Variants in TRMT11 observed in about 807,000 individuals in gnomAD.
The protein encoded by TRMT11 is tRNA (guanine(10)-N(2))-methyltransferase TRMT11.
TRMT11 carries 53 observed loss-of-function variants against 62.8 expected under a neutral mutation model. The observed-to-expected ratio is 0.84, with a 90% CI of 0.68 to 1.06. TRMT11 has a LOEUF of 1.06. Among genes scored for constraint, TRMT11 ranks in the 50% least tolerant of loss-of-function variants. TRMT11 has a pLI of 0.00. For synonymous variants in TRMT11, 188 were observed against 190.3 expected, an observed-to-expected ratio of 0.99 and a Z score of 0.10; for missense variants, 556 against 553.4, an observed-to-expected ratio of 1.00 and a Z score of -0.05.
chr6:126,204,651 A>G (rs1778772916), downstream of TRMT11, among the ~76,000 whole-genome samples: 1 of 152,236 alleles, frequency 6.6e-6, no homozygotes, highest in Non-Finnish European at 1.5e-5. Context: ...ACAGACTGGC[A>G]AGAACCCAAA....
At chr6:126,149,838 G>A (rs1778017407) in intron 21 of TRMT11, among the ~76,000 whole-genome samples, 1 of 152,188 alleles carries the variant, frequency 6.6e-6, no homozygotes, top group African/African-American at 2.4e-5. Flanking sequence ...TGAGCAGCCA[G>A]CAGTGATTCA....
At chr6:126,048,165 A>T (rs2128103708) in intron 16 of TRMT11, among the ~76,000 whole-genome samples, 1 of 152,312 alleles carries the variant, frequency 6.6e-6, no homozygotes, top group Non-Finnish European at 1.5e-5. Context: ...CATTTAGGAG[A>T]TTCCTCAAAA....
intron 17 of TRMT11, among the ~76,000 whole-genome samples, chr6:126,072,611 G>A (rs1032026972): frequency 3.3e-5 from 5 of 152,146 alleles, no homozygotes; most frequent in African/African-American, 1.2e-4. Context: ...TCTTAGTTCA[G>A]TTCAGGCTGC....
chr6:126,068,010 T>A (rs2128135678), intron 17 of TRMT11, among the ~76,000 whole-genome samples: 1 of 152,288 alleles, frequency 6.6e-6, no homozygotes, highest in Non-Finnish European at 1.5e-5. Context: ...TCCACAGAAT[T>A]GTGTAATCAT....
At chr6:126,073,918 A>G in intron 17 of TRMT11, among the ~76,000 whole-genome samples, 1 of 152,140 alleles carries the variant, frequency 6.6e-6, no homozygotes, top group South Asian at 2.1e-4. Flanking sequence ...TTCACATGGC[A>G]GCAGCAAGGA....
intron 8 of TRMT11, among the ~76,000 whole-genome samples, chr6:126,009,754 A>G (rs1445546003): frequency 3.3e-5 from 5 of 152,086 alleles, no homozygotes; most frequent in Non-Finnish European, 7.4e-5. Flanking sequence ...ATCTGTTTTA[A>G]AAAGTACTAA....
chr6:126,195,812 C>T (rs908290447), intron 1 of TRMT11, among the ~76,000 whole-genome samples: 43 of 152,154 alleles, frequency 2.8e-4, no homozygotes, highest in South Asian at 2.1e-4. Flanking sequence ...AAGTCAGCTT[C>T]GTGGCTCAGG....
At chr6:126,131,461 T>C (rs577679176) in intron 21 of TRMT11, among the ~76,000 whole-genome samples, 124 of 152,072 alleles carry the variant, frequency 8.2e-4, no homozygotes, top group African/African-American at 1.1e-3. Flanking sequence ...TAGAACAGTA[T>C]GTCTAAGTAT....
In TRMT11 at chr6:125,997,143, T is replaced by C. The variant is rs543564615; in HGVS notation, c.213-910T>C. Among the ~76,000 whole-genome samples the C allele has an allele frequency of 2.6e-5, 4 of 152,350 alleles. No homozygotes were observed. In the South Asian group the frequency reaches 6.2e-4, roughly 24 times the overall value. On this transcript the variant is annotated intron_variant, in intron 3 of 12. Transcript: ENST00000334379. ...TATAATATAATTTTTAATTGCTTTT[T>C]ATTATCTATATATTTTGTGTAGCTG...
At chr6:125,990,216 T>A (rs1174826849) in intron 1 of TRMT11, among the ~76,000 whole-genome samples, 1 of 152,144 alleles carries the variant, frequency 6.6e-6, no homozygotes, top group East Asian at 1.9e-4. Context: ...ATGCCAGATG[T>A]TGTATTTGAA....
chr6:126,189,703 G>A (rs1778572987), intron 1 of TRMT11, among the ~76,000 whole-genome samples: 2 of 151,902 alleles, frequency 1.3e-5, no homozygotes, highest in African/African-American at 2.4e-5. Flanking sequence ...TTGGGGCTGC[G>A]GTACTCAGGT....
intron 3 of TRMT11, among the ~76,000 whole-genome samples, chr6:126,201,629 G>A (rs1778735390): frequency 6.6e-6 from 1 of 152,098 alleles, no homozygotes; most frequent in Non-Finnish European, 1.5e-5. Context: ...CACTTCTTCA[G>A]GCATTTGACA....
At chr6:126,249,551 T>C in the TRMT11 span, among the ~76,000 whole-genome samples, 1 of 152,150 alleles carries the variant, frequency 6.6e-6, no homozygotes, top group Non-Finnish European at 1.5e-5. Context: ...GTTATAAAAT[T>C]GTGCATAATA....
intron 1 of TRMT11, among the ~76,000 whole-genome samples, chr6:126,182,251 G>A (rs1433984658): frequency 6.6e-6 from 1 of 152,108 alleles, no homozygotes; most frequent in Non-Finnish European, 1.5e-5. Flanking sequence ...GGAAGGAAGA[G>A]GTGCTCTTTA....
At chr6:125,994,290 A>C (rs1268021472) in intron 2 of TRMT11, among the ~76,000 whole-genome samples, 1 of 151,644 alleles carries the variant, frequency 6.6e-6, no homozygotes, top group East Asian at 1.9e-4. Flanking sequence ...GTGACTTATA[A>C]TTTGGGGATG....
At chr6:126,112,724 T>C (rs1777545900) in intron 17 of TRMT11, among the ~76,000 whole-genome samples, 1 of 152,138 alleles carries the variant, frequency 6.6e-6, no homozygotes, top group African/African-American at 2.4e-5. Flanking sequence ...CATTCTCTCA[T>C]CTGTCATTTC....
the TRMT11 span, among the ~76,000 whole-genome samples, chr6:126,224,406 A>G: frequency 6.6e-6 from 1 of 152,146 alleles, no homozygotes; most frequent in Non-Finnish European, 1.5e-5. Context: ...GGATGATTTC[A>G]GGGGGCTAAG....
chr6:126,255,719 T>G, the TRMT11 span, among the ~76,000 whole-genome samples: 2 of 152,160 alleles, frequency 1.3e-5, no homozygotes, highest in African/African-American at 2.4e-5. Context: ...GAAGAATTTT[T>G]GGGGAAGGGA....
chr6:126,230,505 G>A, the TRMT11 span, among the ~76,000 whole-genome samples: 1 of 152,214 alleles, frequency 6.6e-6, no homozygotes, highest in African/African-American at 2.4e-5. Context: ...CCCAAACTTT[G>A]TAAGGTGATG....
Sources: gnomAD v4.1 joint callset for allele counts (sites outside exome capture counted in the v4.1 genomes callset) on GRCh38, gnomAD v4.1.1 for gene constraint, MANE v1.5 for transcripts, NCBI Gene and HGNC (gene_info 2026-07-23, HGNC 2026-07-21) for gene names.